The following BRINP1 variants were observed in gnomAD, a reference collection of about 807,000 sequenced individuals.
BRINP1 encodes BMP/retinoic acid-inducible neural-specific protein 1.
BRINP1 carries 17 observed loss-of-function variants against 72.9 expected under a neutral mutation model. The observed-to-expected ratio is 0.23, with a 90% CI of 0.16 to 0.35. The LOEUF is 0.35. Ranked by LOEUF, BRINP1 falls within the 10% of genes least tolerant of loss-of-function variation. BRINP1 has a pLI of 1.00. For missense variants in BRINP1, 850 were observed against 1,001.6 expected, an observed-to-expected ratio of 0.85 and a Z score of 2.04; for synonymous variants, 418 against 378.5, an observed-to-expected ratio of 1.10 and a Z score of -1.21.
At chr9:119,323,004 G>A (rs1831205096) in intron 1 of BRINP1, among the ~76,000 whole-genome samples, 2 of 152,122 alleles carry the variant, frequency 1.3e-5, no homozygotes, top group African/African-American at 4.8e-5. Context: ...TATAAAAACA[G>A]GCAACCAAAA....
intron 7 of BRINP1, among the ~76,000 whole-genome samples, chr9:119,202,368 A>C (rs1829813498): frequency 6.6e-6 from 1 of 152,186 alleles, no homozygotes; most frequent in Non-Finnish European, 1.5e-5. Context: ...CTTCAAGTTC[A>C]TCCCAATTGC....
chr9:119,264,174 T>C (rs1369940769), intron 2 of BRINP1, among the ~76,000 whole-genome samples: 3 of 152,218 alleles, frequency 2.0e-5, no homozygotes, highest in Non-Finnish European at 4.4e-5. Context: ...AAGTGAGGAA[T>C]TTTGGAATTA....
At chr9:119,322,529 C>G (rs1831199046) in intron 1 of BRINP1, among the ~76,000 whole-genome samples, 3 of 152,158 alleles carry the variant, frequency 2.0e-5, no homozygotes. Flanking sequence ...GCGCTGTTAC[C>G]AAGCTCATCC....
In BRINP1 at chr9:119,303,891, T is replaced by A. The variant is rs76088620; in HGVS notation, c.218+9247A>T. 2.9e-4 allele frequency among the ~76,000 whole-genome samples: 38 copies of A among 129,624 alleles called. 1 individual carries two copies. Among genetic ancestry groups the A allele is most frequent in the African/African-American group, 1.1e-3 (36 of 33,362 alleles). The allele number at this position is 129,624 out of a possible 152,430, so 85.0% of individuals were successfully genotyped here. On this transcript the variant is annotated intron_variant, in intron 2 of 7. Coordinates refer to ENST00000265922, the MANE Select transcript of BRINP1 (RefSeq NM_014618.3). ...TCTTTTTTTCTTTTTTTTTTTTTTTTAATTTTGAGACAGAGTCTCACTCTA... is the reference window on the plus strand; with the variant it reads ...TCTTTTTTTCTTTTTTTTTTTTTTTAAATTTTGAGACAGAGTCTCACTCTA...
At chr9:119,198,006 G>A (rs1287980503) in intron 7 of BRINP1, among the ~76,000 whole-genome samples, 2 of 152,136 alleles carry the variant, frequency 1.3e-5, no homozygotes, top group Non-Finnish European at 2.9e-5. Context: ...TTTTTTAAGA[G>A]TCTAAGCTGT....
At chr9:119,337,919 T>C (rs1416596344) in intron 1 of BRINP1, among the ~76,000 whole-genome samples, 1 of 152,096 alleles carries the variant, frequency 6.6e-6, no homozygotes, top group Non-Finnish European at 1.5e-5. Context: ...GTCAGAAGAG[T>C]GTTTCACTGG....
intron 7 of BRINP1, among the ~76,000 whole-genome samples, chr9:119,168,498 G>A (rs1209015165): frequency 1.4e-5 from 2 of 142,934 alleles, no homozygotes; most frequent in Non-Finnish European, 3.1e-5. Flanking sequence ...TGTTCCTTGG[G>A]GTCCTTCCAG....
At chr9:119,215,008 T>C (rs982672150) in intron 5 of BRINP1, among the ~76,000 whole-genome samples, 1 of 152,180 alleles carries the variant, frequency 6.6e-6, no homozygotes, top group Non-Finnish European at 1.5e-5. Context: ...ATTCTGTGGA[T>C]CATAGGTACA....
intron 7 of BRINP1, among the ~76,000 whole-genome samples, chr9:119,202,372 C>T (rs555381702): frequency 6.6e-6 from 1 of 152,272 alleles, no homozygotes; most frequent in African/African-American, 2.4e-5. Flanking sequence ...AAGTTCATCC[C>T]AATTGCATAG....
chr9:119,356,550 C>T (rs978137432), intron 1 of BRINP1, among the ~76,000 whole-genome samples: 18 of 152,202 alleles, frequency 1.2e-4, no homozygotes, highest in African/African-American at 3.1e-4. Flanking sequence ...CGCCTGTAAT[C>T]CTAGCACTTT....
chr9:119,270,418 T>C (rs1232218819), intron 2 of BRINP1, among the ~76,000 whole-genome samples: 1 of 152,186 alleles, frequency 6.6e-6, no homozygotes, highest in Non-Finnish European at 1.5e-5. Context: ...GCTATTCTGG[T>C]AATCCAGGAG....
chr9:119,209,863 C>T (rs1257517745), intron 6 of BRINP1, among the ~76,000 whole-genome samples: 1 of 152,104 alleles, frequency 6.6e-6, no homozygotes, highest in Non-Finnish European at 1.5e-5. Context: ...CTTCCCCACC[C>T]GGTGATCCAG....
At chr9:119,367,464 G>A (rs1202740908) in intron 1 of BRINP1, among the ~76,000 whole-genome samples, 2 of 151,918 alleles carry the variant, frequency 1.3e-5, no homozygotes, top group Admixed American at 6.6e-5. Flanking sequence ...GCTAACAGCA[G>A]TAAAACTCAG....
intron 1 of BRINP1, 64 bp from the exon 2 acceptor site, chr9:119,313,469 G>A (rs1404564264): frequency 8.6e-6 from 12 of 1,395,798 alleles, no homozygotes; most frequent in Non-Finnish European, 7.6e-6. Context: ...AGAGGAGAGG[G>A]GAAGAGGAGT....
intron 2 of BRINP1, among the ~76,000 whole-genome samples, chr9:119,302,492 G>C (rs1308582954): frequency 6.6e-6 from 1 of 151,616 alleles, no homozygotes; most frequent in Admixed American, 6.6e-5. Flanking sequence ...ATTTTTGGGG[G>C]GGCCTATGGG....
intron 2 of BRINP1, among the ~76,000 whole-genome samples, chr9:119,308,619 G>A (rs1009350269): frequency 1.3e-5 from 2 of 152,130 alleles, no homozygotes; most frequent in Non-Finnish European, 2.9e-5. Flanking sequence ...TGAAACACAC[G>A]AAGAAATTAT....
At chr9:119,207,584 G>A (rs1245962511) in intron 7 of BRINP1, among the ~76,000 whole-genome samples, 2 of 152,126 alleles carry the variant, frequency 1.3e-5, no homozygotes, top group Admixed American at 6.5e-5. Flanking sequence ...ACTCAAAATT[G>A]TCTTGAGATA....
At chr9:119,361,670 G>C (rs1469036115) in intron 1 of BRINP1, among the ~76,000 whole-genome samples, 1 of 151,760 alleles carries the variant, frequency 6.6e-6, no homozygotes, top group Non-Finnish European at 1.5e-5. Flanking sequence ...ACCCAGGCTG[G>C]AGTGCAGTGG....
chr9:119,176,472 G>C (rs779962122), intron 7 of BRINP1, among the ~76,000 whole-genome samples: 1 of 152,174 alleles, frequency 6.6e-6, no homozygotes, highest in Admixed American at 6.5e-5. Context: ...TTAGGCAGTA[G>C]AGCCTAATGT....
Sources: allele counts gnomAD v4.1 joint callset (sites outside exome capture counted in the v4.1 genomes callset), GRCh38; gene constraint gnomAD v4.1.1; transcripts MANE v1.5; gene names NCBI Gene and HGNC (gene_info 2026-07-23, HGNC 2026-07-21).